The following ZNF354B variants were observed in gnomAD, a reference collection of about 807,000 sequenced individuals.
The protein encoded by ZNF354B is zinc finger protein 354B.
In ZNF354B, 10 loss-of-function variants were observed where a neutral mutation model predicts 12.9. That is an observed-to-expected ratio of 0.77 (90% CI 0.48 to 1.31). The LOEUF (loss-of-function observed/expected upper bound fraction) is 1.31, where lower values mean the gene tolerates loss of function less well. Among genes scored for constraint, ZNF354B ranks in the 40% most tolerant of loss-of-function variants. The probability of loss-of-function intolerance (pLI) is 0.00; values close to 1 mark genes in which losing one functional copy is unlikely to be tolerated. For missense variants in ZNF354B, 614 were observed against 711.7 expected, an observed-to-expected ratio of 0.86 and a Z score of 1.56; for synonymous variants, 260 against 243.7, an observed-to-expected ratio of 1.07 and a Z score of -0.62.
At chr5:178,881,918 C>G (rs768893754) in intron 4 of ZNF354B, among the ~76,000 whole-genome samples, 19 of 152,168 alleles carry the variant, frequency 1.2e-4, no homozygotes, top group Non-Finnish European at 2.6e-4. Context: ...GTTTTACTTT[C>G]TCTTTACTCA....
chr5:178,875,910 G>A (rs1315811900), intron 4 of ZNF354B, among the ~76,000 whole-genome samples: 5 of 152,116 alleles, frequency 3.3e-5, no homozygotes, highest in African/African-American at 9.7e-5. Context: ...GCCACTACCA[G>A]TGGGAATGCT....
At chr5:178,877,810 C>T (rs1757660574) in intron 4 of ZNF354B, among the ~76,000 whole-genome samples, 1 of 152,230 alleles carries the variant, frequency 6.6e-6, no homozygotes, top group South Asian at 2.1e-4. Context: ...CAGGCCTTCC[C>T]CTAGAAGCTA....
intron 2 of ZNF354B, among the ~76,000 whole-genome samples, chr5:178,862,807 T>G (rs1156819534): frequency 6.6e-6 from 1 of 152,218 alleles, no homozygotes. Context: ...CTCTCCTGAC[T>G]AGAACCTTCT....
chr5:178,875,356 G>A (rs951546746), intron 4 of ZNF354B, among the ~76,000 whole-genome samples: 1 of 152,180 alleles, frequency 6.6e-6, no homozygotes, highest in African/African-American at 2.4e-5. Flanking sequence ...AATCAGTGCA[G>A]TCGGCCCAGG....
intron 4 of ZNF354B, among the ~76,000 whole-genome samples, chr5:178,880,936 G>T (rs111927515): frequency 0.04 from 5,768 of 145,616 alleles, 397 homozygotes; most frequent in African/African-American, 0.14. Flanking sequence ...TCTGCCCCCA[G>T]GGTTCAAGTG....
chr5:178,876,969 A>T, intron 4 of ZNF354B, among the ~76,000 whole-genome samples: 1 of 145,778 alleles, frequency 6.9e-6, no homozygotes, highest in South Asian at 2.2e-4. Context: ...TCGGGATCAG[A>T]TTTTCCCACT....
At chr5:178,878,771 C>T (rs1031898351) in intron 4 of ZNF354B, among the ~76,000 whole-genome samples, 3 of 152,086 alleles carry the variant, frequency 2.0e-5, no homozygotes, top group Non-Finnish European at 2.9e-5. Flanking sequence ...GGCACAATCT[C>T]GGCTCACTGC....
intron 4 of ZNF354B, among the ~76,000 whole-genome samples, chr5:178,881,640 G>A (rs1757719477): frequency 1.3e-5 from 2 of 151,830 alleles, no homozygotes; most frequent in African/African-American, 4.8e-5. Flanking sequence ...AGCTACTTCA[G>A]TGAGTTTTAT....
intron 4 of ZNF354B, among the ~76,000 whole-genome samples, chr5:178,869,801 GTCC>G (rs1757533656): frequency 6.6e-6 from 1 of 152,078 alleles, no homozygotes; most frequent in Non-Finnish European, 1.5e-5. Context: ...GATGACCTTC[GTCC>G]TCCTTTTGTC....
At chr5:178,862,298 G>A (rs112360204) in intron 2 of ZNF354B, among the ~76,000 whole-genome samples, 9 of 151,226 alleles carry the variant, frequency 6.0e-5, no homozygotes, top group South Asian at 2.1e-4. Context: ...CCTGTGGTGC[G>A]TCTTTCAGAG....
chr5:178,866,919 C>A, intron 3 of ZNF354B, 57 bp from the exon 4 acceptor site: 2 of 1,543,572 alleles, frequency 1.3e-6, no homozygotes, highest in African/African-American at 1.4e-5. Flanking sequence ...TCAAGGGATA[C>A]TTTGTTGTGT....
chr5:178,875,645 C>T (rs1757625204), intron 4 of ZNF354B, among the ~76,000 whole-genome samples: 1 of 152,190 alleles, frequency 6.6e-6, no homozygotes, highest in Non-Finnish European at 1.5e-5. Context: ...TACTGGGAAT[C>T]TTCAGCCGAG....
Position 178,867,105 on chromosome 5 carries a change from C to T in ZNF354B, c.256+34C>T, listed in dbSNP as rs370587966. On this transcript the variant is annotated intron_variant, in intron 4 of 4. Coordinates refer to ENST00000322434, the MANE Select transcript of ZNF354B (RefSeq NM_058230.3). Reference sequence around the variant, plus strand: ...GTGGCCCGAGGTGCTCGGGAATGGCCGCAGACAATGGTCTGGTTAATGAGA... The same window carrying T: ...GTGGCCCGAGGTGCTCGGGAATGGCTGCAGACAATGGTCTGGTTAATGAGA... 4.1e-5 allele frequency: 65 copies of T among 1,573,776 alleles called. 1 individual carries two copies. Among genetic ancestry groups the T allele is most frequent in the African/African-American group, 9.5e-5 (7 of 73,706 alleles).
chr5:178,875,697 C>G (rs771525467), intron 4 of ZNF354B, among the ~76,000 whole-genome samples: 1 of 152,196 alleles, frequency 6.6e-6, no homozygotes, highest in East Asian at 1.9e-4. Flanking sequence ...GGGGGATCTA[C>G]TTGGTGAAGA....
intron 4 of ZNF354B, among the ~76,000 whole-genome samples, chr5:178,871,197 G>A (rs567026489): frequency 6.6e-6 from 1 of 152,260 alleles, no homozygotes; most frequent in South Asian, 2.1e-4. Context: ...TACATGGTCT[G>A]GCCCTGGCTA....
rs10214329 is a variant in ZNF354B, at chr5:178,877,468, G to A, written c.257-5241G>A. ...ACAGGTGTGAGCCACCAGGCCAAAT[G>A]TCCTTATCCTTAATGTCTGATTCCC... On this transcript the variant is annotated intron_variant, in intron 4 of 4. Coordinates refer to ENST00000322434, the MANE Select transcript of ZNF354B (RefSeq NM_058230.3). Among the ~76,000 whole-genome samples the A allele has an allele frequency of 5.4e-3, 827 of 152,174 alleles. 6 individuals carry two copies. The highest frequency in any genetic ancestry group is 0.018 in the African/African-American group (760 of 41,514).
chr5:178,868,971 CAAAAA>C (rs374983108), intron 4 of ZNF354B, among the ~76,000 whole-genome samples: 2 of 96,200 alleles, frequency 2.1e-5, no homozygotes, highest in Non-Finnish European at 2.3e-5. Flanking sequence ...GACTCCAACT[CAAAAA>C]AAAAAAAAAA....
intron 4 of ZNF354B, among the ~76,000 whole-genome samples, chr5:178,869,445 G>A (rs143671479): frequency 4.5e-4 from 69 of 152,144 alleles, no homozygotes; most frequent in African/African-American, 1.4e-3. Flanking sequence ...AAAGTAAGCC[G>A]AATGCAAGCA....
chr5:178,869,533 GAAGA>G (rs77857491), intron 4 of ZNF354B, among the ~76,000 whole-genome samples: 9,105 of 152,174 alleles, frequency 0.06, 394 homozygotes, highest in East Asian at 0.24. Flanking sequence ...GGAAGAGCAG[GAAGA>G]AAGAAAGAGT....
Sources: gnomAD v4.1 joint callset for allele counts (sites outside exome capture counted in the v4.1 genomes callset) on GRCh38, gnomAD v4.1.1 for gene constraint, MANE v1.5 for transcripts, NCBI Gene and HGNC (gene_info 2026-07-23, HGNC 2026-07-21) for gene names.